The following MYO3B variants were observed in gnomAD, a reference collection of about 807,000 sequenced individuals.
MYO3B encodes the protein myosin-IIIb.
In MYO3B, 156 loss-of-function variants were observed where a neutral mutation model predicts 174.6. The ratio of observed to expected loss-of-function variants is 0.89; its 90% CI spans 0.78 to 1.02. The LOEUF (loss-of-function observed/expected upper bound fraction) is 1.02, where lower values mean the gene tolerates loss of function less well. Ranked by LOEUF, MYO3B falls within the 50% of genes least tolerant of loss-of-function variation. The pLI, the probability that MYO3B is intolerant of heterozygous loss-of-function variation, is 0.00. For synonymous variants in MYO3B, 563 were observed against 569.1 expected (o/e 0.99, Z 0.15); for missense variants, 1,632 against 1,639.4 (o/e 1.00, Z 0.08).
intron 25 of MYO3B, among the ~76,000 whole-genome samples, chr2:170,488,730 A>T (rs1200694934): frequency 6.6e-6 from 1 of 152,158 alleles, no homozygotes; most frequent in Non-Finnish European, 1.5e-5. Context: ...CAGAATTTAC[A>T]TATCTATTTA....
intron 7 of MYO3B, among the ~76,000 whole-genome samples, chr2:170,305,201 C>A (rs951970726): frequency 6.6e-6 from 1 of 152,074 alleles, no homozygotes; most frequent in Admixed American, 6.6e-5. Context: ...ATCCTCTATT[C>A]TCTGTCACGG....
intron 7 of MYO3B, among the ~76,000 whole-genome samples, chr2:170,335,155 T>C (rs1190347578): frequency 6.6e-6 from 1 of 152,172 alleles, no homozygotes; most frequent in African/African-American, 2.4e-5. Flanking sequence ...CTTTGTAACT[T>C]TCACAGGTCC....
At chr2:170,213,344 A>G (rs1423531925) in intron 3 of MYO3B, among the ~76,000 whole-genome samples, 2 of 152,132 alleles carry the variant, frequency 1.3e-5, no homozygotes, top group Admixed American at 6.5e-5. Context: ...CGCGTGAGAG[A>G]GTCGTGATCG....
rs2092875649 is a variant in MYO3B, at chr2:170,220,007, C to T, written c.603+2612C>T. On this transcript the variant is annotated intron_variant, in intron 6 of 34. Coordinates refer to ENST00000408978, the MANE Select transcript of MYO3B (RefSeq NM_138995.5). The stretch of plus-strand genomic sequence containing the variant: ...GGTGTGGTGGCTCATACCTGTAATC[C>T]CAGCACTTTGGGAGGCCAAGGTGGG... Among the ~76,000 whole-genome samples the T allele has an allele frequency of 2.0e-5, 3 of 152,090 alleles. No homozygotes were observed. The South Asian group carries it at 6.2e-4, about 32-fold the overall frequency.
At chr2:170,599,354 A>C (rs2106339278) in intron 32 of MYO3B, among the ~76,000 whole-genome samples, 1 of 152,352 alleles carries the variant, frequency 6.6e-6, no homozygotes, top group South Asian at 2.1e-4. Context: ...TGGGTAGAAA[A>C]TCTATTACTC....
At position 170,604,341 on chromosome 2, in the gene MYO3B, G is replaced by A. The variant is rs146765463; in HGVS notation, c.3734-47287G>A. On this transcript the variant is annotated intron_variant, in intron 32 of 34. Coordinates refer to ENST00000408978, the MANE Select transcript of MYO3B (RefSeq NM_138995.5). ...TATATAGAATAGTTCACACAAGGTA[G>A]TGATGGCAACAGTTTCCTCTGGAGC... Among the ~76,000 whole-genome samples, 652 of 152,304 alleles carry A rather than the reference G, an allele frequency of 4.3e-3. 8 individuals carry two copies. Among genetic ancestry groups the A allele is most frequent in the African/African-American group, 0.015 (627 of 41,568 alleles).
rs57069590 is a variant in MYO3B at position 170,480,041 on chromosome 2, G to GTATATA, written c.3014+13343_3014+13348dup. On this transcript the variant is annotated intron_variant, in intron 25 of 34. Coordinates refer to ENST00000408978, the MANE Select transcript of MYO3B (RefSeq NM_138995.5). ...TAAACCTATATATATGTGTGTGTGTGTATATATATATATATATAAAATAAC... is the reference window on the plus strand; with the variant it reads ...TAAACCTATATATATGTGTGTGTGTGTATATATATATATATATATATATAAAATAAC... 6.4e-3 allele frequency among the ~76,000 whole-genome samples: 933 copies of GTATATA among 146,358 alleles called. 6 individuals carry two copies. Among genetic ancestry groups the GTATATA allele is most frequent in the Admixed American group, 0.016 (239 of 14,530 alleles).
intron 18 of MYO3B, among the ~76,000 whole-genome samples, 178 bp downstream of exon 18, chr2:170,401,869 C>A (rs1405724414): frequency 6.8e-6 from 1 of 147,656 alleles, no homozygotes; most frequent in African/African-American, 2.5e-5. Context: ...GTGGCACGAT[C>A]TCCGCTCACT....
intron 32 of MYO3B, among the ~76,000 whole-genome samples, chr2:170,620,624 T>G (rs1695831315): frequency 6.6e-6 from 1 of 152,220 alleles, no homozygotes; most frequent in African/African-American, 2.4e-5. Context: ...ATGAGCTTCA[T>G]GTTCCCATTG....
chr2:170,401,817 T>G (rs1009444987), intron 18 of MYO3B, 126 bp downstream of exon 18: 1 of 920,744 alleles, frequency 1.1e-6, no homozygotes, highest in Non-Finnish European at 1.6e-6. Flanking sequence ...TTTTTTTTTT[T>G]GTGGAGTCAG....
At chr2:170,249,961 TCTC>T (rs1450997626) in intron 7 of MYO3B, among the ~76,000 whole-genome samples, 18 of 152,124 alleles carry the variant, frequency 1.2e-4, no homozygotes, top group Admixed American at 3.9e-4. Flanking sequence ...TGCTGGCACT[TCTC>T]CTCCTATGAC....
At chr2:170,535,916 T>C (rs1375692513) in intron 30 of MYO3B, among the ~76,000 whole-genome samples, 1 of 152,242 alleles carries the variant, frequency 6.6e-6, no homozygotes, top group Non-Finnish European at 1.5e-5. Context: ...TCTTGTTTTA[T>C]CCCTGAACTT....
chr2:170,354,045 G>A (rs2094099840), intron 8 of MYO3B, among the ~76,000 whole-genome samples: 1 of 152,190 alleles, frequency 6.6e-6, no homozygotes, highest in Non-Finnish European at 1.5e-5. Flanking sequence ...ATGCATACTA[G>A]TATGAAATTC....
chr2:170,499,978 C>T (rs930003052), intron 27 of MYO3B, among the ~76,000 whole-genome samples, 170 bp downstream of exon 27: 2 of 137,170 alleles, frequency 1.5e-5, no homozygotes, highest in African/African-American at 5.3e-5. Flanking sequence ...TTCTTTCCTT[C>T]CTTCCTTTAG....
At chr2:170,444,505 G>A (rs76549248) in intron 23 of MYO3B, among the ~76,000 whole-genome samples, 1,993 of 152,304 alleles carry the variant, frequency 0.013, 43 homozygotes, top group African/African-American at 0.044. Context: ...AGTTTAACAA[G>A]AGTCTTAAGG....
intron 23 of MYO3B, among the ~76,000 whole-genome samples, chr2:170,453,869 C>T (rs1481731752): frequency 6.6e-6 from 1 of 152,210 alleles, no homozygotes; most frequent in African/African-American, 2.4e-5. Context: ...CTTTGATCCA[C>T]TTAAGGTGAG....
Position 170,387,170 on chromosome 2 carries a change from A to G in MYO3B, c.1439A>G (p.Asn480Ser). ...AACTCCCTGGTGGAAGCCTTTGGGA[A>G]CTCATGCACTGCCATCAATGACAAC... Reference protein sequence around the residue: ...QVNSLVEAFGNSCTAINDNSS... With the variant: ...QVNSLVEAFGSSCTAINDNSS... The change falls in exon 14 of 35, where the codon AAC becomes AGC. Residue 480 changes from asparagine (N) to serine (S), a missense_variant. By Grantham distance (46) the Asn-to-Ser change is conservative. Coordinates refer to ENST00000408978, the MANE Select transcript of MYO3B (RefSeq NM_138995.5). 6.2e-7 allele frequency: 1 copy of G among 1,614,152 alleles called. No individual in the cohort carries two copies. Among genetic ancestry groups the G allele is most frequent in the Non-Finnish European group, 8.5e-7 (1 of 1,180,002 alleles).
At chr2:170,342,900 C>T (rs983152458) in intron 8 of MYO3B, among the ~76,000 whole-genome samples, 2 of 152,072 alleles carry the variant, frequency 1.3e-5, no homozygotes, top group African/African-American at 4.8e-5. Context: ...GTCTGTGCTG[C>T]TATTCTGAAA....
intron 7 of MYO3B, among the ~76,000 whole-genome samples, chr2:170,293,209 T>C (rs2093607402): frequency 6.6e-6 from 1 of 152,148 alleles, no homozygotes; most frequent in Non-Finnish European, 1.5e-5. Context: ...TGGGGGGAAA[T>C]GAAGCTAGAT....
Sources: allele counts gnomAD v4.1 joint callset (sites outside exome capture counted in the v4.1 genomes callset), GRCh38; gene constraint gnomAD v4.1.1; transcripts MANE v1.5; gene names NCBI Gene and HGNC (gene_info 2026-07-23, HGNC 2026-07-21).